SLC25A21: variants seen among roughly 807,000 people sequenced by gnomAD.
SLC25A21 encodes solute carrier family 25 member 21.
SLC25A21 carries 47 observed loss-of-function variants against 43.8 expected under a neutral mutation model. The observed-to-expected ratio is 1.07, with a 90% CI of 0.85 to 1.37. The LOEUF (loss-of-function observed/expected upper bound fraction) is 1.37. Among genes scored for constraint, SLC25A21 ranks in the 40% most tolerant of loss-of-function variants. SLC25A21 has a pLI of 0.00. For synonymous variants in SLC25A21, 131 were observed against 121.3 expected (o/e 1.08, Z -0.52); for missense variants, 352 against 350.2 (o/e 1.00, Z -0.04).
chr14:37,170,993 G>C (rs1964115527), intron 1 of SLC25A21, among the ~76,000 whole-genome samples: 1 of 151,338 alleles, frequency 6.6e-6, no homozygotes, highest in African/African-American at 2.4e-5. Context: ...AGGAGGCTGA[G>C]ATGGGAGGAT....
chr14:36,898,412 A>G (rs1891307561), intron 1 of SLC25A21, among the ~76,000 whole-genome samples: 1 of 151,996 alleles, frequency 6.6e-6, no homozygotes, highest in Admixed American at 6.6e-5. Flanking sequence ...GAGTGACCCA[A>G]TTTTCCAGGT....
intron 7 of SLC25A21, among the ~76,000 whole-genome samples, chr14:36,702,494 AAAG>A: frequency 6.7e-6 from 1 of 150,020 alleles, no homozygotes; most frequent in Non-Finnish European, 1.5e-5. Context: ...AAAAAAAAAA[AAAG>A]AAAGAAAGAA....
chr14:36,737,917 G>A (rs370824373), intron 3 of SLC25A21, among the ~76,000 whole-genome samples: 4 of 152,140 alleles, frequency 2.6e-5, no homozygotes, highest in South Asian at 2.1e-4. Context: ...GGCCTTTCTC[G>A]AATATTGGTA....
At chr14:36,875,963 T>C (rs1890509746) in intron 1 of SLC25A21, among the ~76,000 whole-genome samples, 1 of 152,196 alleles carries the variant, frequency 6.6e-6, no homozygotes, top group Admixed American at 6.5e-5. Context: ...TACCTATATA[T>C]GGATGGTCAT....
At chr14:36,942,423 C>T (rs985379007) in intron 1 of SLC25A21, among the ~76,000 whole-genome samples, 17 of 152,258 alleles carry the variant, frequency 1.1e-4, no homozygotes, top group Admixed American at 3.3e-4. Context: ...TGGCGGACGG[C>T]GGTAGGACAG....
At chr14:37,078,435 A>G (rs191698586) in intron 1 of SLC25A21, among the ~76,000 whole-genome samples, 2 of 152,246 alleles carry the variant, frequency 1.3e-5, no homozygotes, top group Admixed American at 6.5e-5. Flanking sequence ...GGTCCACCAC[A>G]TGGTGGACCT....
chr14:36,814,582 TAGTCAATAGAG>T (rs1456472206), intron 2 of SLC25A21, among the ~76,000 whole-genome samples: 21 of 152,314 alleles, frequency 1.4e-4, no homozygotes, highest in Admixed American at 9.1e-4. Context: ...TCATCATCAC[TAGTCAATAGAG>T]AAATGCAAAT....
At chr14:36,828,827 T>C (rs17191) in intron 2 of SLC25A21, 126,391 of 152,172 alleles carry the variant, frequency 0.83, 54,421 homozygotes, top group Non-Finnish European at 0.95. Flanking sequence ...CTAGTGACCA[T>C]CACTTACTCC....
chr14:36,969,016 T>A (rs2138683828), intron 1 of SLC25A21, among the ~76,000 whole-genome samples: 1 of 152,356 alleles, frequency 6.6e-6, no homozygotes, highest in East Asian at 1.9e-4. Context: ...CAGGCTTTAA[T>A]TTTTTAATTA....
intron 1 of SLC25A21, among the ~76,000 whole-genome samples, chr14:37,019,461 G>T (rs992235387): frequency 1.3e-5 from 2 of 151,520 alleles, no homozygotes; most frequent in Non-Finnish European, 2.9e-5. Flanking sequence ...TTACTTGTTT[G>T]TCCTCTGTCT....
intron 2 of SLC25A21, chr14:36,870,958 T>C: frequency 6.6e-6 from 1 of 152,144 alleles, no homozygotes; most frequent in African/African-American, 2.4e-5. Flanking sequence ...TTCCTAATGA[T>C]AGGTTGGGTG....
intron 1 of SLC25A21, among the ~76,000 whole-genome samples, chr14:36,899,991 A>T (rs1325603601): frequency 6.6e-6 from 1 of 152,146 alleles, no homozygotes; most frequent in Non-Finnish European, 1.5e-5. Context: ...TTTTGGTTGT[A>T]TGAGAGAAAA....
intron 1 of SLC25A21, among the ~76,000 whole-genome samples, chr14:36,926,403 A>G (rs928684334): frequency 6.6e-6 from 1 of 152,160 alleles, no homozygotes; most frequent in Non-Finnish European, 1.5e-5. Context: ...GAATAAAAGA[A>G]AAAAAATGAT....
intron 2 of SLC25A21, among the ~76,000 whole-genome samples, chr14:36,814,828 C>T (rs759730400): frequency 7.9e-5 from 12 of 152,068 alleles, no homozygotes; most frequent in Non-Finnish European, 1.6e-4. Flanking sequence ...GGTATATACC[C>T]AAAGGATTAG....
intron 7 of SLC25A21, among the ~76,000 whole-genome samples, chr14:36,697,099 G>T (rs1883061386): frequency 6.6e-6 from 1 of 152,070 alleles, no homozygotes; most frequent in Non-Finnish European, 1.5e-5. Flanking sequence ...CAGAGATTCT[G>T]GTATGTTGTG....
At chr14:36,983,363 C>T (rs974233648) in intron 1 of SLC25A21, among the ~76,000 whole-genome samples, 1 of 152,104 alleles carries the variant, frequency 6.6e-6, no homozygotes, top group African/African-American at 2.4e-5. Flanking sequence ...ATTTGGGTAC[C>T]TACTATATGC....
intron 1 of SLC25A21, among the ~76,000 whole-genome samples, chr14:37,087,684 C>A (rs1051664051): frequency 1.3e-5 from 2 of 152,180 alleles, no homozygotes; most frequent in East Asian, 3.8e-4. Flanking sequence ...GGTAAATAGA[C>A]CTCACAGATA....
At chr14:36,807,508 C>G (rs1365975269) in intron 3 of SLC25A21, among the ~76,000 whole-genome samples, 1 of 152,120 alleles carries the variant, frequency 6.6e-6, no homozygotes, top group Non-Finnish European at 1.5e-5. Flanking sequence ...TTTCTTCAAA[C>G]CAATATCCCC....
At chr14:37,134,648 TAAAA>T (rs11347791) in intron 1 of SLC25A21, among the ~76,000 whole-genome samples, 3 of 122,734 alleles carry the variant, frequency 2.4e-5, no homozygotes, top group Admixed American at 1.6e-4. Context: ...ACTCCATCTC[TAAAA>T]AAAAAAAAAA....
Sources: gnomAD v4.1 joint callset for allele counts (sites outside exome capture counted in the v4.1 genomes callset) on GRCh38, gnomAD v4.1.1 for gene constraint, MANE v1.5 for transcripts, NCBI Gene and HGNC (gene_info 2026-07-23, HGNC 2026-07-21) for gene names.